CNTN2: variants seen among roughly 807,000 people sequenced by gnomAD.
The protein encoded by CNTN2 is contactin 2.
CNTN2 carries 53 observed loss-of-function variants against 117.5 expected under a neutral mutation model. That is an observed-to-expected ratio of 0.45 (90% CI 0.36 to 0.57). The LOEUF (loss-of-function observed/expected upper bound fraction) is 0.57, where lower values mean the gene tolerates loss of function less well. Among genes scored for constraint, CNTN2 ranks in the 20% least tolerant of loss-of-function variants. CNTN2 has a pLI of 0.00. For missense variants in CNTN2, 1,106 were observed against 1,404.3 expected (o/e 0.79, Z 3.39); for synonymous variants, 530 against 561.7 (o/e 0.94, Z 0.80).
intron 16 of CNTN2, chr1:205,069,238 G>A (rs963788514): frequency 8.2e-6 from 4 of 488,382 alleles, no homozygotes; most frequent in African/African-American, 7.8e-5. Flanking sequence ...TATCTTCATG[G>A]AGAAGAGAAT....
chr1:205,043,336 CGGCTCACCGACTCG>C lies in CNTN2; in HGVS notation c.-141_-128del, dbSNP rs2096435282. 6.6e-6 allele frequency: 1 copy of C among 152,346 alleles called. No individual in the cohort carries two copies. The highest frequency in any genetic ancestry group is 1.5e-5 in the Non-Finnish European group (1 of 68,160). The allele number at this position is 152,346 out of a possible 1,614,324, so 9.4% of individuals were successfully genotyped here. A position where few individuals can be genotyped will look rare whatever the true frequency, so the allele number is the denominator to read the frequency against. On this transcript the variant is annotated 5_prime_UTR_variant, in exon 1 of 23. Transcript: ENST00000331830. ...CAGGGGCTGGCGGCCCGGCCGGCCC[CGGCTCACCGACTCG>C]GGCAGCATCCACCTGCCCCAGCCAA...
Position 205,073,565 on chromosome 1 carries a change from G to T in CNTN2, c.3014-91G>T. On this transcript the variant is annotated intron_variant, in intron 22 of 22. Transcript: ENST00000331830. The surrounding 1 kb of genome is among the most constrained non-coding windows in gnomAD (Gnocchi z 6.3). ...CGCTCCCAGGCCTGCAGCTGGCCCT[G>T]TGAGTCTCCTTAGGAAAGGTCTCAA... 8.5e-7 allele frequency: 1 copy of T among 1,181,940 alleles called. No homozygotes were observed. 73.2% of individuals were successfully genotyped at this position (1,181,940 alleles called of 1,614,324 possible). A position where few individuals can be genotyped will look rare whatever the true frequency, so the allele number is the denominator to read the frequency against.
Position 205,073,410 on chromosome 1 carries a change from C to A in CNTN2, c.3013+174C>A. On this transcript the variant is annotated intron_variant, in intron 22 of 22. Transcript: ENST00000331830. The surrounding 1 kb of genome is among the most constrained non-coding windows in gnomAD (Gnocchi z 6.3). ...AACTGCCTCGCCGCCACCTTTCTACCCAGCCCCCAGAACATCCCCGAGGGC... is the reference window on the plus strand; with the variant it reads ...AACTGCCTCGCCGCCACCTTTCTACACAGCCCCCAGAACATCCCCGAGGGC... 1 of 858,686 alleles carries A rather than the reference C, an allele frequency of 1.2e-6. No individual in the cohort carries two copies. The highest frequency in any genetic ancestry group is 1.8e-5 in the South Asian group (1 of 56,998). 53.2% of individuals were successfully genotyped at this position (858,686 alleles called of 1,614,324 possible). A position where few individuals can be genotyped will look rare whatever the true frequency, so the allele number is the denominator to read the frequency against.
At chr1:205,071,850 A>G (rs1228572203) in intron 19 of CNTN2, 97 bp from the exon 20 acceptor site, 2 of 1,204,054 alleles carry the variant, frequency 1.7e-6, no homozygotes. Context: ...GGTCACAGGG[A>G]CCAGGATGAG....
intron 1 of CNTN2, among the ~76,000 whole-genome samples, chr1:205,049,383 A>G (rs2096448324): frequency 6.6e-6 from 1 of 151,834 alleles, no homozygotes; most frequent in South Asian, 2.1e-4. Flanking sequence ...ACATACATAC[A>G]TATACACATA....
intron 2 of CNTN2, among the ~76,000 whole-genome samples, chr1:205,056,592 G>A (rs1653636920): frequency 6.6e-6 from 1 of 152,186 alleles, no homozygotes; most frequent in South Asian, 2.1e-4. Flanking sequence ...CTGATGGCTG[G>A]ATGCGCTGGG....
rs1654210704 is a variant in CNTN2, at chr1:205,065,154, G to A, written c.1587G>A (p.Gln529=). The A allele has an allele frequency of 6.2e-7, 1 of 1,614,058 alleles. No homozygotes were observed. Among genetic ancestry groups the A allele is most frequent in the Non-Finnish European group, 8.5e-7 (1 of 1,180,014 alleles). ...DINLGDNLTL[Q]CHASHDPTMD... ...ACTTGGGTGACAACCTGACCCTACA[G>A]TGCCATGCCTCCCACGACCCCACCA... is the stretch of plus-strand genomic sequence containing the variant. Residue 529 remains glutamine, a synonymous_variant, in exon 13 of 23, where the codon CAG becomes CAA. Transcript: ENST00000331830. This position sits in a 1 kb window ranked among gnomAD's most constrained non-coding sequence, Gnocchi z 4.1.
chr1:205,067,399 C>T, intron 16 of CNTN2, 149 bp downstream of exon 16: 1 of 916,872 alleles, frequency 1.1e-6, no homozygotes, highest in African/African-American at 1.7e-5. Context: ...GACAGAACAC[C>T]AAGTTGGGAC....
chr1:205,049,186 A>G (rs3767284), intron 1 of CNTN2, among the ~76,000 whole-genome samples: 2,756 of 151,718 alleles, frequency 0.018, 49 homozygotes, highest in East Asian at 0.044. Flanking sequence ...GATAACAGAT[A>G]ATTCTGACTA....
In CNTN2 at chr1:205,058,533, A is replaced by T. The variant is rs758805948; in HGVS notation, c.392-35A>T. 3 of 1,598,960 alleles carry T rather than the reference A, an allele frequency of 1.9e-6. No individual in the cohort carries two copies. The highest frequency in any genetic ancestry group is 2.6e-6 in the Non-Finnish European group (3 of 1,167,312). ...GTCGGGGAGGGGCTCGCAGGCCAGGAGGACAGTGCCTGAGCCCCTGGTCTC... is the reference window on the plus strand; with the variant it reads ...GTCGGGGAGGGGCTCGCAGGCCAGGTGGACAGTGCCTGAGCCCCTGGTCTC... On this transcript the variant is annotated intron_variant, in intron 4 of 22. Transcript: ENST00000331830. This position sits in a 1 kb window ranked among gnomAD's most constrained non-coding sequence, Gnocchi z 4.3.
intron 1 of CNTN2, among the ~76,000 whole-genome samples, chr1:205,052,634 G>A (rs2096454782): frequency 1.3e-5 from 2 of 152,186 alleles, no homozygotes; most frequent in Admixed American, 1.3e-4. Flanking sequence ...AGCTCCCAGA[G>A]GGGCTTACTA....
rs1654343660 is a variant in CNTN2, at chr1:205,067,244, G to C, written c.2119G>C (p.Glu707Gln). Reference protein sequence around the residue: ...SGPSSKIRTREAAPSVAPSGL... With the variant: ...SGPSSKIRTRQAAPSVAPSGL... ...GCCCTCCAGCAAAATCCGGACCAGG[G>C]AAGCAGGTGAGAGTCCTGTGTGTCC... The change falls in exon 16 of 23, where the codon GAA becomes CAA. Residue 707 changes from glutamate (E) to glutamine (Q), a missense_variant. Glu to Gln is a conservative substitution (Grantham distance 29). Coordinates refer to ENST00000331830, the MANE Select transcript of CNTN2 (RefSeq NM_005076.5). The C allele has an allele frequency of 1.2e-6, 2 of 1,612,686 alleles. No homozygotes were observed. The highest frequency in any genetic ancestry group is 1.7e-6 in the Non-Finnish European group (2 of 1,179,354).
chr1:205,053,311 C>A, intron 2 of CNTN2, 56 bp downstream of exon 2: 1 of 1,423,456 alleles, frequency 7.0e-7, no homozygotes, highest in South Asian at 1.3e-5. Flanking sequence ...AGTGTTATAT[C>A]CTTGCTATGA....
chr1:205,044,500 G>A (rs980912517), intron 1 of CNTN2, among the ~76,000 whole-genome samples: 15 of 151,920 alleles, frequency 9.9e-5, no homozygotes, highest in African/African-American at 3.4e-4. Context: ...GTGGGGTTGT[G>A]CATGCCATGG....
At position 205,061,975 on chromosome 1, in the gene CNTN2, C is replaced by A. The variant is rs748100278; in HGVS notation, c.1084C>A (p.Arg362=). 6.2e-7 allele frequency: 1 copy of A among 1,613,128 alleles called. No homozygotes were observed. The highest frequency in any genetic ancestry group is 8.5e-7 in the Non-Finnish European group (1 of 1,179,672). Residue 362 remains arginine, a synonymous_variant, in exon 9 of 23, where the codon CGG becomes AGG. Transcript: ENST00000331830. The surrounding 1 kb of genome is among the most constrained non-coding windows in gnomAD (Gnocchi z 4.8). ...GCCCCGGCCTACAGTGCGCTGGCTG[C>A]GGAACGGGGAGCCTCTGGCCTCCCA... ...GKPRPTVRWL[R]NGEPLASQNR...
Position 205,069,597 on chromosome 1 carries a change from CCT to C in CNTN2, c.2196+37_2196+38del, listed in dbSNP as rs1356337970. The C allele has an allele frequency of 1.9e-6, 3 of 1,599,564 alleles. No homozygotes were observed. In the African/African-American group the frequency reaches 4.0e-5, roughly 21 times the overall value. ...AGGGTCAGATGTCCTCCTCCTCCTC[CCT>C]GACCCCTCTCCCGCTTGAGCAGCTG... On this transcript the variant is annotated intron_variant, in intron 17 of 22. Coordinates refer to ENST00000331830, the MANE Select transcript of CNTN2 (RefSeq NM_005076.5).
chr1:205,053,859 C>T (rs1224217908), intron 2 of CNTN2, among the ~76,000 whole-genome samples: 1 of 152,164 alleles, frequency 6.6e-6, no homozygotes, highest in African/African-American at 2.4e-5. Flanking sequence ...AAGCATAGAA[C>T]AGGATCTGGG....
chr1:205,069,312 G>A, intron 16 of CNTN2, 179 bp from the exon 17 acceptor site: 1 of 559,830 alleles, frequency 1.8e-6, no homozygotes, highest in Non-Finnish European at 3.2e-6. Context: ...GCAGAGGTGG[G>A]ATTTGATTTC....
chr1:205,070,105 T>G (rs760404620), intron 18 of CNTN2, 44 bp downstream of exon 18: 1 of 1,581,458 alleles, frequency 6.3e-7, no homozygotes, highest in Admixed American at 1.7e-5. Flanking sequence ...CCCCAGCCAC[T>G]TGTCCACAGG....
Sources: allele counts gnomAD v4.1 joint callset (sites outside exome capture counted in the v4.1 genomes callset), GRCh38; gene constraint gnomAD v4.1.1; non-coding constraint Gnocchi (gnomAD v3.1); transcripts MANE v1.5; gene names NCBI Gene and HGNC (gene_info 2026-07-23, HGNC 2026-07-21).